Variants in KCNN2 observed in about 807,000 individuals in gnomAD.
KCNN2 encodes small conductance calcium-activated potassium channel protein 2.
KCNN2 carries 24 observed loss-of-function variants against 55.5 expected under a neutral mutation model. That is an observed-to-expected ratio of 0.43 (90% CI 0.31 to 0.61). KCNN2 has a LOEUF of 0.61. Among genes scored for constraint, KCNN2 ranks in the 20% least tolerant of loss-of-function variants. KCNN2 has a pLI of 0.08. For missense variants in KCNN2, 754 were observed against 853.6 expected, an observed-to-expected ratio of 0.88 and a Z score of 1.45; for synonymous variants, 431 against 336.1, an observed-to-expected ratio of 1.28 and a Z score of -3.09.
intron 2 of KCNN2, among the ~76,000 whole-genome samples, chr5:114,368,465 GC>G (rs1266771981): frequency 6.6e-6 from 1 of 151,992 alleles, no homozygotes; most frequent in Non-Finnish European, 1.5e-5. Context: ...GAGGGTGGGG[GC>G]CTCACCTGGA....
At chr5:114,224,266 G>T (rs539286053) in intron 2 of KCNN2, among the ~76,000 whole-genome samples, 129 of 152,172 alleles carry the variant, frequency 8.5e-4, no homozygotes, top group Non-Finnish European at 1.5e-3. Flanking sequence ...TACTTGTTTT[G>T]CTTGCCTTCT....
intron 1 of KCNN2, among the ~76,000 whole-genome samples, chr5:114,068,038 C>A (rs1430320003): frequency 6.6e-6 from 1 of 151,974 alleles, no homozygotes; most frequent in African/African-American, 2.4e-5. Flanking sequence ...AGATATGTTC[C>A]CAATAAGGGA....
At chr5:114,306,468 G>A (rs1756273794) in intron 2 of KCNN2, among the ~76,000 whole-genome samples, 2 of 152,174 alleles carry the variant, frequency 1.3e-5, no homozygotes, top group Non-Finnish European at 2.9e-5. Flanking sequence ...TGGAGGTGGG[G>A]TGGTTATAAG....
At chr5:114,397,731 G>A (rs1291267487) in intron 2 of KCNN2, among the ~76,000 whole-genome samples, 1 of 152,098 alleles carries the variant, frequency 6.6e-6, no homozygotes, top group Admixed American at 6.5e-5. Flanking sequence ...CATTCTAACT[G>A]GTGTCAGATA....
chr5:114,207,594 C>T (rs1446044308), intron 1 of KCNN2, among the ~76,000 whole-genome samples: 1 of 152,048 alleles, frequency 6.6e-6, no homozygotes, highest in Non-Finnish European at 1.5e-5. Context: ...TATTGTCTTC[C>T]ATTCTCCCTT....
At chr5:114,355,413 T>A (rs1463653212) in intron 2 of KCNN2, among the ~76,000 whole-genome samples, 1 of 152,200 alleles carries the variant, frequency 6.6e-6, no homozygotes, top group African/African-American at 2.4e-5. Context: ...ACCTTCAGTT[T>A]TTAGCCTCCC....
intron 2 of KCNN2, among the ~76,000 whole-genome samples, chr5:114,346,712 A>T (rs1321703465): frequency 1.3e-5 from 2 of 150,580 alleles, no homozygotes; most frequent in African/African-American, 4.9e-5. Flanking sequence ...AAAAAATGAC[A>T]TGGCAGTAAC....
rs184041055 is a variant in KCNN2, at chr5:114,234,218, T to G, written c.-185+12653T>G. On this transcript the variant is annotated intron_variant, in intron 2 of 10. Transcript: ENST00000512097. ...ATTTTCAGACATATCATTTATCTTCTGAATCTTAACCTTATTTGACAATGT... is the reference window on the plus strand; with the variant it reads ...ATTTTCAGACATATCATTTATCTTCGGAATCTTAACCTTATTTGACAATGT... Among the ~76,000 whole-genome samples the G allele has an allele frequency of 5.3e-5, 8 of 152,360 alleles. No homozygotes were observed. In the East Asian group the frequency reaches 1.3e-3, roughly 26 times the overall value.
In KCNN2 at chr5:114,063,021, A is replaced by C. The variant is rs368002282; in HGVS notation, c.-271+6521A>C. On this transcript the variant is annotated intron_variant, in intron 1 of 10. Transcript: ENST00000512097. ...AAAGATAAAGCTTGATTTTCTGCTT[A>C]ACTTTAAGGAAGAGTTTTTTCTTTC... Among the ~76,000 whole-genome samples the C allele has an allele frequency of 1.3e-3, 198 of 152,346 alleles. 5 individuals are homozygous for C. The South Asian group carries it at 0.04, about 31-fold the overall frequency.
At chr5:114,253,317 C>G (rs9968565) in intron 2 of KCNN2, among the ~76,000 whole-genome samples, 3,545 of 152,038 alleles carry the variant, frequency 0.023, 122 homozygotes, top group African/African-American at 0.08. Context: ...ATGGGAGGAG[C>G]AGAGTACCTG....
chr5:114,345,517 C>T (rs1002273289), intron 2 of KCNN2, among the ~76,000 whole-genome samples: 1 of 152,032 alleles, frequency 6.6e-6, no homozygotes, highest in Non-Finnish European at 1.5e-5. Flanking sequence ...AAATAAAAAT[C>T]GAAATCAAAT....
At chr5:114,373,865 T>G (rs576911092) in intron 2 of KCNN2, among the ~76,000 whole-genome samples, 2 of 151,052 alleles carry the variant, frequency 1.3e-5, no homozygotes, top group South Asian at 4.2e-4. Context: ...TCAAGCAGTC[T>G]TTATTAGTTT....
In KCNN2 at chr5:114,362,475, CTG is replaced by C; in HGVS notation, c.337_338del (p.Cys113LeufsTer169). On this transcript the variant is annotated frameshift_variant, in exon 1 of 8. Transcript: ENST00000673685. LOFTEE classifies it high-confidence loss of function. The part of the protein sequence containing the change: ...TSSPLSGSSC[C>X]CCCCSSRRGS... The stretch of plus-strand genomic sequence containing the variant: ...CCTCGCCGCTGTCGGGCTCGTCCTG[CTG>C]CTGCTGCTGCTGCTCGTCGCGCCGG... 3 of 447,020 alleles carry C rather than the reference CTG, an allele frequency of 6.7e-6. No homozygotes were observed. Among genetic ancestry groups the C allele is most frequent in the Admixed American group, 4.4e-5 (1 of 22,920 alleles). The allele number at this position is 447,020 out of a possible 1,614,324, so 27.7% of individuals were successfully genotyped here. A position where few individuals can be genotyped will look rare whatever the true frequency, so the allele number is the denominator to read the frequency against.
intron 2 of KCNN2, among the ~76,000 whole-genome samples, chr5:114,331,431 A>C (rs1345487824): frequency 6.6e-6 from 1 of 152,182 alleles, no homozygotes; most frequent in Non-Finnish European, 1.5e-5. Flanking sequence ...GGCCATGGGG[A>C]CATGTTGGCA....
At chr5:114,199,531 G>T (rs1753627351) in intron 1 of KCNN2, among the ~76,000 whole-genome samples, 1 of 151,582 alleles carries the variant, frequency 6.6e-6, no homozygotes. Context: ...TTTGTGATTT[G>T]ATGAAAATTC....
intron 1 of KCNN2, among the ~76,000 whole-genome samples, chr5:114,116,419 A>T (rs1281455408): frequency 1.3e-5 from 2 of 152,164 alleles, no homozygotes; most frequent in East Asian, 1.9e-4. Flanking sequence ...TGATAAGTAC[A>T]CTACTATTTT....
intron 1 of KCNN2, among the ~76,000 whole-genome samples, chr5:114,159,740 A>G: frequency 6.6e-6 from 1 of 152,106 alleles, no homozygotes; most frequent in Non-Finnish European, 1.5e-5. Context: ...GGGAGGGTGT[A>G]TGTGTCGAGG....
At chr5:114,277,777 T>G (rs1372812739) in intron 2 of KCNN2, among the ~76,000 whole-genome samples, 1 of 152,162 alleles carries the variant, frequency 6.6e-6, no homozygotes. Context: ...TGTGATGGGT[T>G]AGAACATGCT....
At chr5:114,149,726 T>A (rs1752476001) in intron 1 of KCNN2, among the ~76,000 whole-genome samples, 1 of 152,268 alleles carries the variant, frequency 6.6e-6, no homozygotes, top group South Asian at 2.1e-4. Flanking sequence ...AGAAACACAG[T>A]CTTTCCATAA....
Sources: allele counts gnomAD v4.1 joint callset (sites outside exome capture counted in the v4.1 genomes callset), GRCh38; gene constraint gnomAD v4.1.1; transcripts MANE v1.5; gene names NCBI Gene and HGNC (gene_info 2026-07-23, HGNC 2026-07-21).